Variants in ETFDH observed in about 807,000 individuals in gnomAD.
ETFDH encodes electron transfer flavoprotein dehydrogenase, also known as electron transfer flavoprotein-ubiquinone oxidoreductase, mitochondrial.
ETFDH carries 61 observed loss-of-function variants against 73.2 expected under a neutral mutation model. The observed-to-expected ratio is 0.83, with a 90% CI of 0.68 to 1.03. ETFDH has a LOEUF of 1.03. Among genes scored for constraint, ETFDH ranks in the 50% least tolerant of loss-of-function variants. The pLI, the probability that ETFDH is intolerant of heterozygous loss-of-function variation, is 0.00. For synonymous variants in ETFDH, 243 were observed against 253.3 expected, an observed-to-expected ratio of 0.96 and a Z score of 0.39; for missense variants, 685 against 745.0, an observed-to-expected ratio of 0.92 and a Z score of 0.94.
chr4:158,693,529 C>T (rs1010237870), intron 6 of ETFDH, among the ~76,000 whole-genome samples: 4 of 152,124 alleles, frequency 2.6e-5, no homozygotes, highest in African/African-American at 7.2e-5. Flanking sequence ...TATTTTAGTT[C>T]ATACAGATTG....
At chr4:158,695,107 A>C (rs1010912674) in intron 6 of ETFDH, among the ~76,000 whole-genome samples, 4 of 152,262 alleles carry the variant, frequency 2.6e-5, no homozygotes, top group Non-Finnish European at 5.9e-5. Context: ...TTCAAGGGTC[A>C]GCTCTATATT....
At position 158,682,205 on chromosome 4, in the gene ETFDH, G is replaced by A; in HGVS notation, c.186G>A (p.Met62Ile). The A allele has an allele frequency of 6.2e-7, 1 of 1,614,006 alleles. No homozygotes were observed. The highest frequency in any genetic ancestry group is 8.5e-7 in the Non-Finnish European group (1 of 1,179,872). ...TTTTATTTCTCCCAGGAGTGAACAT[G>A]GAAAGGTTTGCAGAAGAAGCAGATG... ...DKDKRWEGVN[M>I]ERFAEEADVV... is the part of the protein sequence containing the mutation. The change falls in exon 3 of 13, where the codon ATG (methionine) becomes ATA (isoleucine). Residue 62 changes from methionine (M) to isoleucine (I), a missense_variant. Around this residue, in one of 3 missense-constraint regions of ETFDH, gnomAD observed 405 missense variants for 399.3 expected, o/e 1.01. Transcript: ENST00000511912.
At chr4:158,678,589 A>G (rs369318116) in intron 1 of ETFDH, among the ~76,000 whole-genome samples, 18 of 152,128 alleles carry the variant, frequency 1.2e-4, no homozygotes, top group South Asian at 6.2e-4. Context: ...AAGCTACTCA[A>G]TAAGTTCATC....
intron 12 of ETFDH, among the ~76,000 whole-genome samples, chr4:158,707,311 T>C (rs1774651996): frequency 6.6e-6 from 1 of 152,206 alleles, no homozygotes; most frequent in South Asian, 2.1e-4. Flanking sequence ...TCAAATGATA[T>C]GGTAGAACAA....
chr4:158,704,440 A>G (rs1774552945), intron 10 of ETFDH, among the ~76,000 whole-genome samples: 1 of 152,170 alleles, frequency 6.6e-6, no homozygotes, highest in South Asian at 2.1e-4. Flanking sequence ...CTCCCACCTC[A>G]TGGTCTTTGC....
At chr4:158,708,263 C>A in intron 12 of ETFDH, 101 bp from the exon 13 acceptor site, 3 of 830,542 alleles carry the variant, frequency 3.6e-6, no homozygotes, top group South Asian at 1.6e-5. Flanking sequence ...CAGAAAGCAA[C>A]CTTTAAGGTT....
At position 158,672,427 on chromosome 4, in the gene ETFDH, G is replaced by GGAA; in HGVS notation, c.-30_-29insGAA. ...GAGCAGCGGACAGTCCTCCTGTTGTGTCCGACCGAGAGTCCTGGTGACTTT... is the reference window on the plus strand; with the variant it reads ...GAGCAGCGGACAGTCCTCCTGTTGTGGAATCCGACCGAGAGTCCTGGTGACTTT... On this transcript the variant is annotated 5_prime_UTR_variant, in exon 1 of 13. Transcript: ENST00000511912. 2 of 1,613,952 alleles carry GGAA rather than the reference G, an allele frequency of 1.2e-6. No individual in the cohort carries two copies. The highest frequency in any genetic ancestry group is 1.7e-6 in the Non-Finnish European group (2 of 1,179,828).
intron 1 of ETFDH, among the ~76,000 whole-genome samples, chr4:158,677,573 C>G (rs1333971742): frequency 4.6e-5 from 7 of 152,198 alleles, no homozygotes; most frequent in Non-Finnish European, 8.8e-5. Flanking sequence ...CAGGGCCAAT[C>G]CAAAAATTAT....
intron 12 of ETFDH, 80 bp from the exon 13 acceptor site, chr4:158,708,284 C>T: frequency 9.3e-7 from 1 of 1,075,702 alleles, no homozygotes; most frequent in Non-Finnish European, 1.4e-6. Flanking sequence ...TCTGTGGCTA[C>T]TCTTTCCTTA....
rs940150895 is a variant in ETFDH at position 158,701,919 on chromosome 4, G to GT, written c.1117-1496dup. 1.1e-3 allele frequency among the ~76,000 whole-genome samples: 171 copies of GT among 151,700 alleles called. No homozygotes were observed. The Middle Eastern group carries it at 0.027, about 24-fold the overall frequency. ...AAAAATATCCCACCCTTATTACATT[G>GT]TTTTTTTTAATCAGAAATGTATACC... On this transcript the variant is annotated intron_variant, in intron 9 of 12. Coordinates refer to ENST00000511912, the MANE Select transcript of ETFDH (RefSeq NM_004453.4).
At chr4:158,705,022 C>T (rs1419992033) in intron 10 of ETFDH, among the ~76,000 whole-genome samples, 6 of 151,892 alleles carry the variant, frequency 4.0e-5, no homozygotes, top group Non-Finnish European at 5.9e-5. Flanking sequence ...AATACTGGAG[C>T]CAGTATATCA....
At chr4:158,674,431 T>A (rs1773663960) in intron 1 of ETFDH, among the ~76,000 whole-genome samples, 1 of 152,096 alleles carries the variant, frequency 6.6e-6, no homozygotes. Context: ...TGAGCTTCCG[T>A]AGTACCTGGG....
rs1438551187 is a variant in ETFDH at position 158,706,287 on chromosome 4, C to G, written c.1384C>G (p.Leu462Val). 3.0e-5 allele frequency: 49 copies of G among 1,611,594 alleles called. No individual in the cohort carries two copies. The highest frequency in any genetic ancestry group is 4.2e-5 in the Non-Finnish European group (49 of 1,177,728). The stretch of plus-strand genomic sequence containing the variant: ...TATAAGACCGTCCTGCCACGGAGTA[C>G]TGGGTGTATATGGAGGGATGATTTA... ...RNIRPSCHGV[L>V]GVYGGMIYTG... The change falls in exon 11 of 13, where the codon CTG (leucine) becomes GTG (valine). Residue 462 changes from leucine (L) to valine (V), a missense_variant. Coordinates refer to ENST00000511912, the MANE Select transcript of ETFDH (RefSeq NM_004453.4).
At chr4:158,695,904 G>A (rs1415083899) in intron 7 of ETFDH, among the ~76,000 whole-genome samples, 1 of 152,174 alleles carries the variant, frequency 6.6e-6, no homozygotes, top group East Asian at 1.9e-4. Flanking sequence ...TTGAACTTGT[G>A]AATATTTGAA....
chr4:158,702,167 T>TA (rs1774482066), intron 9 of ETFDH, among the ~76,000 whole-genome samples: 1 of 151,004 alleles, frequency 6.6e-6, no homozygotes, highest in Non-Finnish European at 1.5e-5. Flanking sequence ...TTTTTTTTTT[T>TA]ATATGCCCTT....
chr4:158,695,792 A>AT (rs2150311054), intron 7 of ETFDH, 149 bp downstream of exon 7: 5 of 659,894 alleles, frequency 7.6e-6, no homozygotes, highest in Non-Finnish European at 1.3e-5. Context: ...TATTTGCGAT[A>AT]TTTTTCAAGG....
At chr4:158,691,253 C>A (rs1224191333) in intron 6 of ETFDH, among the ~76,000 whole-genome samples, 2 of 152,190 alleles carry the variant, frequency 1.3e-5, no homozygotes, top group African/African-American at 4.8e-5. Flanking sequence ...CCACAATTTT[C>A]ATTTCTTTGG....
At chr4:158,672,936 C>T (rs988998598) in intron 1 of ETFDH, among the ~76,000 whole-genome samples, 1 of 152,336 alleles carries the variant, frequency 6.6e-6, no homozygotes, top group Non-Finnish European at 1.5e-5. Flanking sequence ...GAAGTCTGAT[C>T]TGTCACATCA....
chr4:158,684,312 C>T (rs1773943027), intron 3 of ETFDH, among the ~76,000 whole-genome samples: 1 of 151,110 alleles, frequency 6.6e-6, no homozygotes, highest in Non-Finnish European at 1.5e-5. Context: ...AACACTTGAA[C>T]CCAGGAGGCA....
Sources: gnomAD v4.1 joint callset for allele counts (sites outside exome capture counted in the v4.1 genomes callset) on GRCh38, gnomAD v4.1.1 for gene constraint, gnomAD v4.1.1 regional missense constraint, MANE v1.5 for transcripts, NCBI Gene and HGNC (gene_info 2026-07-23, HGNC 2026-07-21) for gene names.